The following PRKG1 variants were observed in gnomAD, a reference collection of about 807,000 sequenced individuals.
PRKG1 encodes cGMP-dependent protein kinase 1.
Under a neutral mutation model 88.1 loss-of-function variants are expected in PRKG1, and 35 were observed. The ratio of observed to expected loss-of-function variants is 0.40; its 90% CI spans 0.30 to 0.53. The LOEUF (loss-of-function observed/expected upper bound fraction) is 0.53, where lower values mean the gene tolerates loss of function less well. Ranked by LOEUF, PRKG1 falls within the 20% of genes least tolerant of loss-of-function variation. The pLI is 0.59. For synonymous variants in PRKG1, 303 were observed against 292.5 expected (o/e 1.04, Z -0.37); for missense variants, 540 against 839.8 (o/e 0.64, Z 4.41).
At chr10:51,527,022 A>G (rs1202731057) in intron 3 of PRKG1, among the ~76,000 whole-genome samples, 1 of 152,198 alleles carries the variant, frequency 6.6e-6, no homozygotes, top group Non-Finnish European at 1.5e-5. Context: ...CCAAACTGCC[A>G]TTTTAGACAA....
At chr10:51,828,307 C>A (rs187651591) in intron 4 of PRKG1, among the ~76,000 whole-genome samples, 213 of 151,708 alleles carry the variant, frequency 1.4e-3, no homozygotes, top group Admixed American at 4.8e-3. Flanking sequence ...ATAATCCTCA[C>A]GTGAAAAAAA....
chr10:51,122,996 T>C (rs1244186016), intron 1 of PRKG1, among the ~76,000 whole-genome samples: 1 of 152,182 alleles, frequency 6.6e-6, no homozygotes, highest in Non-Finnish European at 1.5e-5. Flanking sequence ...TAGGACAAAC[T>C]TCTGCTTCCT....
chr10:51,953,304 G>C (rs550251413), intron 5 of PRKG1, among the ~76,000 whole-genome samples: 1 of 152,174 alleles, frequency 6.6e-6, no homozygotes, highest in Non-Finnish European at 1.5e-5. Flanking sequence ...CTGTTTTCCA[G>C]GCAGAAATGT....
chr10:51,812,487 T>C (rs1839481960), intron 4 of PRKG1, among the ~76,000 whole-genome samples: 1 of 152,126 alleles, frequency 6.6e-6, no homozygotes, highest in African/African-American at 2.4e-5. Context: ...GTGCATCTCA[T>C]CGATTTGCTA....
chr10:52,156,262 TG>T (rs1211826183), intron 8 of PRKG1, among the ~76,000 whole-genome samples: 26 of 152,118 alleles, frequency 1.7e-4, no homozygotes, highest in African/African-American at 5.5e-4. Flanking sequence ...AATTACTATC[TG>T]ATATGATTTT....
chr10:51,225,788 T>C (rs965770945), intron 2 of PRKG1, among the ~76,000 whole-genome samples: 2 of 152,146 alleles, frequency 1.3e-5, no homozygotes, highest in African/African-American at 4.8e-5. Context: ...AAGTTCTAGA[T>C]TCACTGTATA....
chr10:51,487,416 T>A (rs1303851074), intron 3 of PRKG1, among the ~76,000 whole-genome samples: 2 of 152,176 alleles, frequency 1.3e-5, no homozygotes, highest in Non-Finnish European at 2.9e-5. Flanking sequence ...TTTACAAGTA[T>A]GAACTCTATA....
intron 2 of PRKG1, among the ~76,000 whole-genome samples, chr10:51,440,068 C>T (rs193052303): frequency 7.6e-4 from 116 of 151,930 alleles, no homozygotes; most frequent in East Asian, 4.9e-3. Context: ...GCTGAAGCCA[C>T]GGAAAATTAA....
chr10:52,084,181 T>A (rs1846852485), intron 7 of PRKG1, among the ~76,000 whole-genome samples: 1 of 151,948 alleles, frequency 6.6e-6, no homozygotes, highest in Non-Finnish European at 1.5e-5. Flanking sequence ...CTTGATAGGG[T>A]CTGGTTTTTA....
intron 3 of PRKG1, among the ~76,000 whole-genome samples, chr10:51,754,176 G>A (rs559408549): frequency 6.6e-6 from 1 of 152,222 alleles, no homozygotes; most frequent in South Asian, 2.1e-4. Flanking sequence ...TAGAGTCCCT[G>A]ATGAAAGTCT....
intron 8 of PRKG1, among the ~76,000 whole-genome samples, chr10:52,146,374 G>A (rs1837727781): frequency 6.6e-6 from 1 of 151,918 alleles, no homozygotes; most frequent in African/African-American, 2.4e-5. Context: ...TACATCCTGG[G>A]GCAGCATTAA....
intron 6 of PRKG1, among the ~76,000 whole-genome samples, chr10:52,059,173 C>T (rs1022756659): frequency 6.6e-6 from 1 of 151,932 alleles, no homozygotes; most frequent in African/African-American, 2.4e-5. Flanking sequence ...ATATCAAGTG[C>T]TAGTGAGGAT....
At chr10:51,950,965 G>A (rs1229070643) in intron 5 of PRKG1, among the ~76,000 whole-genome samples, 1 of 152,268 alleles carries the variant, frequency 6.6e-6, no homozygotes, top group Non-Finnish European at 1.5e-5. Context: ...GTCCCCCAGT[G>A]TAGCTGAGTC....
chr10:51,697,641 C>T, intron 3 of PRKG1: 1 of 1,546,326 alleles, frequency 6.5e-7, no homozygotes, highest in Non-Finnish European at 8.8e-7. Flanking sequence ...TTTTTGCACC[C>T]ATTCTCCATG....
At chr10:51,429,614 T>C (rs1037614721) in intron 2 of PRKG1, among the ~76,000 whole-genome samples, 4 of 152,126 alleles carry the variant, frequency 2.6e-5, no homozygotes, top group Non-Finnish European at 5.9e-5. Flanking sequence ...ACTCATTAAA[T>C]AGAGAATATC....
chr10:51,298,296 G>A (rs1228134604), intron 2 of PRKG1, among the ~76,000 whole-genome samples: 1 of 152,080 alleles, frequency 6.6e-6, no homozygotes, highest in Non-Finnish European at 1.5e-5. Flanking sequence ...TTATTTTATA[G>A]GCAAAGAAAA....
intron 5 of PRKG1, among the ~76,000 whole-genome samples, chr10:51,944,878 T>C (rs1218087632): frequency 6.6e-6 from 1 of 151,946 alleles, no homozygotes. Flanking sequence ...CTTCCAAGTA[T>C]GTGGTCAGTT....
chr10:51,382,744 G>A (rs1837142293), intron 2 of PRKG1, among the ~76,000 whole-genome samples: 1 of 152,132 alleles, frequency 6.6e-6, no homozygotes, highest in Non-Finnish European at 1.5e-5. Context: ...CTGGTGAGAG[G>A]AGAACAAAGC....
chr10:52,283,683 T>C (rs1842050687), intron 14 of PRKG1, among the ~76,000 whole-genome samples: 1 of 152,076 alleles, frequency 6.6e-6, no homozygotes, highest in African/African-American at 2.4e-5. Flanking sequence ...GGAGGTAAAT[T>C]ATTTTAAAAG....
Sources: gnomAD v4.1 joint callset for allele counts (sites outside exome capture counted in the v4.1 genomes callset) on GRCh38, gnomAD v4.1.1 for gene constraint, MANE v1.5 for transcripts, NCBI Gene and HGNC (gene_info 2026-07-23, HGNC 2026-07-21) for gene names.